The following AGFG1 variants were observed in gnomAD, a reference collection of about 807,000 sequenced individuals.
The protein encoded by AGFG1 is ArfGAP with FG repeats 1.
In AGFG1, 10 loss-of-function variants were observed where a neutral mutation model predicts 60.6. The ratio of observed to expected loss-of-function variants is 0.16; its 90% CI spans 0.10 to 0.28. The LOEUF is 0.28. Among genes scored for constraint, AGFG1 ranks in the 10% least tolerant of loss-of-function variants. The pLI is 1.00. For missense variants in AGFG1, 537 were observed against 676.5 expected (o/e 0.79, Z 2.29); for synonymous variants, 247 against 242.9 (o/e 1.02, Z -0.16).
At chr2:227,484,404 C>G (rs1025166178) in intron 1 of AGFG1, among the ~76,000 whole-genome samples, 1 of 152,058 alleles carries the variant, frequency 6.6e-6, no homozygotes, top group African/African-American at 2.4e-5. Flanking sequence ...CCAGGCTGCT[C>G]TCGAACTCCT....
chr2:227,533,283 A>C (rs1692215534), intron 6 of AGFG1, among the ~76,000 whole-genome samples: 1 of 84,320 alleles, frequency 1.2e-5, no homozygotes, highest in South Asian at 5.0e-4. Context: ...TAGTGTGGAG[A>C]TACCCCTCCA....
chr2:227,473,379 G>A (rs1690177784), intron 1 of AGFG1, among the ~76,000 whole-genome samples: 1 of 152,152 alleles, frequency 6.6e-6, no homozygotes, highest in Non-Finnish European at 1.5e-5. Context: ...GGAGCTGTGT[G>A]ATTCTAAATA....
intron 1 of AGFG1, among the ~76,000 whole-genome samples, chr2:227,485,298 G>A (rs570502827): frequency 1.4e-5 from 2 of 144,096 alleles, no homozygotes; most frequent in Admixed American, 7.1e-5. Context: ...GTGCAATGGC[G>A]TGATCTTAGC....
chr2:227,480,524 C>T (rs941988244), intron 1 of AGFG1, among the ~76,000 whole-genome samples: 6 of 152,038 alleles, frequency 3.9e-5, no homozygotes, highest in South Asian at 4.1e-4. Context: ...CTCAGCCTCC[C>T]TGGTAGCTGG....
intron 1 of AGFG1, among the ~76,000 whole-genome samples, chr2:227,488,909 G>A (rs141596974): frequency 1.3e-3 from 198 of 152,276 alleles, no homozygotes; most frequent in African/African-American, 4.6e-3. Flanking sequence ...TGCCTCCCAG[G>A]TTCAGGTGAT....
chr2:227,540,205 T>TC (rs956916291), intron 10 of AGFG1, among the ~76,000 whole-genome samples: 1 of 151,830 alleles, frequency 6.6e-6, no homozygotes, highest in Non-Finnish European at 1.5e-5. Context: ...TAGTTTTTTT[T>TC]TTTTTTACTT....
intron 1 of AGFG1, among the ~76,000 whole-genome samples, chr2:227,488,854 C>CCCAT (rs1690714728): frequency 6.6e-6 from 1 of 152,114 alleles, no homozygotes; most frequent in Non-Finnish European, 1.5e-5. Context: ...AGCTCTGTTG[C>CCCAT]CCATGCTGGA....
intron 2 of AGFG1, among the ~76,000 whole-genome samples, chr2:227,497,754 T>C (rs1347269765): frequency 2.9e-5 from 4 of 136,630 alleles, no homozygotes; most frequent in African/African-American, 1.1e-4. Flanking sequence ...TTTTTTTTTT[T>C]TTTTTTTGGG....
chr2:227,483,446 T>C (rs528130354), intron 1 of AGFG1, among the ~76,000 whole-genome samples: 1 of 152,228 alleles, frequency 6.6e-6, no homozygotes, highest in South Asian at 2.1e-4. Context: ...CCACTCAAAT[T>C]AGAACATGCA....
chr2:227,505,871 G>C, intron 2 of AGFG1, among the ~76,000 whole-genome samples: 1 of 152,086 alleles, frequency 6.6e-6, no homozygotes. Context: ...CCGAGTAGCT[G>C]GGATTACAGG....
chr2:227,558,945 T>C lies in AGFG1; in HGVS notation c.*4450T>C, dbSNP rs1216054921. ...ACTCATTAATTAAATGTATTGGTCATTTGATGATTATATCCAGTATTTGGA... is the reference window on the plus strand; with the variant it reads ...ACTCATTAATTAAATGTATTGGTCACTTGATGATTATATCCAGTATTTGGA... On this transcript the variant is annotated 3_prime_UTR_variant, in exon 13 of 13. Coordinates refer to ENST00000310078, the MANE Select transcript of AGFG1 (RefSeq NM_004504.5). 6.6e-6 allele frequency: 1 copy of C among 152,224 alleles called. No individual in the cohort carries two copies. The highest frequency in any genetic ancestry group is 1.5e-5 in the Non-Finnish European group (1 of 68,024). 9.4% of individuals were successfully genotyped at this position (152,224 alleles called of 1,614,324 possible).
At chr2:227,520,178 A>G (rs1691783766) in intron 3 of AGFG1, 115 bp downstream of exon 3, 3 of 594,482 alleles carry the variant, frequency 5.0e-6, no homozygotes, top group South Asian at 2.5e-5. Flanking sequence ...CTAGATAGGT[A>G]TATAATTCAT....
At chr2:227,476,023 CTTG>C (rs781449484) in intron 1 of AGFG1, among the ~76,000 whole-genome samples, 19 of 152,056 alleles carry the variant, frequency 1.2e-4, no homozygotes, top group South Asian at 2.1e-4. Flanking sequence ...GAACTAGCAT[CTTG>C]TTGTTAATGT....
chr2:227,540,644 C>T (rs1011215332), intron 10 of AGFG1, among the ~76,000 whole-genome samples: 1 of 152,084 alleles, frequency 6.6e-6, no homozygotes, highest in Admixed American at 6.5e-5. Context: ...TGAATAGTGC[C>T]GCAGTAAACG....
chr2:227,535,129 C>G (rs915255768), intron 8 of AGFG1, 104 bp downstream of exon 8: 1 of 1,241,030 alleles, frequency 8.1e-7, no homozygotes, highest in Admixed American at 3.4e-5. Flanking sequence ...TTTTAAAATT[C>G]TTGGATATTT....
intron 10 of AGFG1, among the ~76,000 whole-genome samples, chr2:227,548,617 G>C (rs1175760787): frequency 1.3e-5 from 2 of 152,196 alleles, no homozygotes; most frequent in African/African-American, 4.8e-5. Context: ...ATGCAAGACT[G>C]CTCTGAGCCT....
At chr2:227,542,833 C>CAA in intron 10 of AGFG1, among the ~76,000 whole-genome samples, 1 of 152,216 alleles carries the variant, frequency 6.6e-6, no homozygotes, top group South Asian at 2.1e-4. Context: ...ATTTCAGAGC[C>CAA]TGTTATTGGT....
At chr2:227,485,867 AG>A (rs1690618441) in intron 1 of AGFG1, among the ~76,000 whole-genome samples, 1 of 152,162 alleles carries the variant, frequency 6.6e-6, no homozygotes, top group Non-Finnish European at 1.5e-5. Context: ...CTGGTAATTC[AG>A]ATAGCTAGTC....
chr2:227,542,087 A>G (rs1575111900), intron 10 of AGFG1, among the ~76,000 whole-genome samples: 2 of 152,316 alleles, frequency 1.3e-5, no homozygotes, highest in East Asian at 3.9e-4. Flanking sequence ...TTCGAAATAT[A>G]CAATCATGTC....
Sources: gnomAD v4.1 joint callset for allele counts (sites outside exome capture counted in the v4.1 genomes callset) on GRCh38, gnomAD v4.1.1 for gene constraint, MANE v1.5 for transcripts, NCBI Gene and HGNC (gene_info 2026-07-23, HGNC 2026-07-21) for gene names.